The following COL22A1 variants were observed in gnomAD, a reference collection of about 807,000 sequenced individuals.
The protein encoded by COL22A1 is collagen type XXII alpha 1 chain.
In COL22A1, 221 loss-of-function variants were observed where a neutral mutation model predicts 248.9. The observed-to-expected ratio is 0.89, with a 90% CI of 0.80 to 0.99. The LOEUF is 0.99. Ranked by LOEUF, COL22A1 falls within the 50% of genes least tolerant of loss-of-function variation. The probability of loss-of-function intolerance (pLI) is 0.00; values close to 1 mark genes in which losing one functional copy is unlikely to be tolerated. For missense variants in COL22A1, 2,240 were observed against 2,179.0 expected (o/e 1.03, Z -0.56); for synonymous variants, 891 against 793.4 (o/e 1.12, Z -2.07).
At chr8:138,646,083 T>TG (rs1822180665) in intron 47 of COL22A1, among the ~76,000 whole-genome samples, 1 of 152,186 alleles carries the variant, frequency 6.6e-6, no homozygotes, top group South Asian at 2.1e-4. Context: ...CTGCCTATTT[T>TG]GGGGTTCAGA....
intron 22 of COL22A1, among the ~76,000 whole-genome samples, 185 bp from the exon 23 acceptor site, chr8:138,737,762 G>A (rs538528203): frequency 6.6e-6 from 1 of 152,046 alleles, no homozygotes; most frequent in Non-Finnish European, 1.5e-5. Context: ...GGCTTTTTCT[G>A]AGGTCAGCAG....
At chr8:138,890,618 T>A (rs1028367986) in intron 1 of COL22A1, among the ~76,000 whole-genome samples, 1 of 152,120 alleles carries the variant, frequency 6.6e-6, no homozygotes, top group African/African-American at 2.4e-5. Flanking sequence ...CAGCTACGGA[T>A]GGCATGATCG....
chr8:138,770,204 A>C (rs972189013), intron 16 of COL22A1, among the ~76,000 whole-genome samples: 8 of 152,086 alleles, frequency 5.3e-5, no homozygotes, highest in African/African-American at 1.9e-4. Context: ...GAACCTCAGG[A>C]CTGGAATGTT....
Position 138,847,749 on chromosome 8 carries a change from G to A in COL22A1, c.659-3591C>T, listed in dbSNP as rs556030275. On this transcript the variant is annotated intron_variant, in intron 3 of 64. Coordinates refer to ENST00000303045, the MANE Select transcript of COL22A1 (RefSeq NM_152888.3). Reference sequence around the variant, plus strand: ...TGTTTGGGGGACTGTCTAGGAGAATGGAGGAAATATCAAACAAGCAATTCC... The same window carrying A: ...TGTTTGGGGGACTGTCTAGGAGAATAGAGGAAATATCAAACAAGCAATTCC... 1.9e-3 allele frequency among the ~76,000 whole-genome samples: 295 copies of A among 151,764 alleles called. 4 individuals carry two copies. Among genetic ancestry groups the A allele is most frequent in the Non-Finnish European group, 1.3e-3 (90 of 67,974 alleles).
rs140177581 is a variant in COL22A1, at chr8:138,868,900, T to C, written c.658+8850A>G. On this transcript the variant is annotated intron_variant, in intron 3 of 64. Coordinates refer to ENST00000303045, the MANE Select transcript of COL22A1 (RefSeq NM_152888.3). ...CACCTGCCACCACACCCGGCTAATT[T>C]TTGTATTTTTAGTAGAGATGGGGGT... Among the ~76,000 whole-genome samples the C allele has an allele frequency of 4.4e-3, 669 of 152,198 alleles. 2 individuals carry two copies. The highest frequency in any genetic ancestry group is 0.015 in the African/African-American group (636 of 41,548).
intron 18 of COL22A1, among the ~76,000 whole-genome samples, chr8:138,758,949 C>G (rs1833239374): frequency 6.6e-6 from 1 of 152,150 alleles, no homozygotes; most frequent in Non-Finnish European, 1.5e-5. Flanking sequence ...TCACCTAGAT[C>G]CAGACTTCAA....
At chr8:138,653,891 C>T (rs1305266155) in intron 45 of COL22A1, among the ~76,000 whole-genome samples, 1 of 152,186 alleles carries the variant, frequency 6.6e-6, no homozygotes, top group Admixed American at 6.5e-5. Context: ...CCACTCATCC[C>T]AGGCTGTTGA....
chr8:138,651,003 G>A (rs1050084588), intron 45 of COL22A1, among the ~76,000 whole-genome samples: 5 of 152,174 alleles, frequency 3.3e-5, no homozygotes, highest in Admixed American at 3.3e-4. Context: ...ACTGTTCATA[G>A]TCCATGAGGT....
At chr8:138,627,971 T>C (rs756940718) in intron 50 of COL22A1, among the ~76,000 whole-genome samples, 4 of 152,288 alleles carry the variant, frequency 2.6e-5, no homozygotes, top group East Asian at 1.9e-4. Flanking sequence ...ACCATCTAAA[T>C]TGATATAGCT....
intron 59 of COL22A1, among the ~76,000 whole-genome samples, chr8:138,602,880 G>A (rs964561072): frequency 3.9e-5 from 6 of 152,266 alleles, no homozygotes; most frequent in South Asian, 2.1e-4. Context: ...CCATTCTCAC[G>A]CATGGGTTAC....
At chr8:138,891,724 A>G (rs1319239031) in intron 1 of COL22A1, among the ~76,000 whole-genome samples, 1 of 152,154 alleles carries the variant, frequency 6.6e-6, no homozygotes, top group Non-Finnish European at 1.5e-5. Context: ...GATGTTTGCA[A>G]TCTGGCTGCA....
intron 6 of COL22A1, among the ~76,000 whole-genome samples, chr8:138,823,463 G>T (rs560231799): frequency 6.6e-6 from 1 of 152,214 alleles, no homozygotes; most frequent in African/African-American, 2.4e-5. Context: ...CTGGAGTGCA[G>T]AGGAGTGATT....
chr8:138,785,592 G>C (rs530278682), intron 12 of COL22A1, among the ~76,000 whole-genome samples: 2 of 152,334 alleles, frequency 1.3e-5, no homozygotes, highest in South Asian at 4.1e-4. Flanking sequence ...GGCTCTGGTG[G>C]GTTGGGCAAC....
At chr8:138,768,820 C>T (rs1834119623) in intron 16 of COL22A1, among the ~76,000 whole-genome samples, 1 of 152,040 alleles carries the variant, frequency 6.6e-6, no homozygotes, top group East Asian at 1.9e-4. Context: ...GCCTATAATC[C>T]CAGCTATTCG....
At chr8:138,856,346 T>C (rs771595982) in intron 3 of COL22A1, among the ~76,000 whole-genome samples, 12 of 152,276 alleles carry the variant, frequency 7.9e-5, no homozygotes, top group Middle Eastern at 3.4e-3. Context: ...TGAATGCATT[T>C]GGGCGTTTCT....
chr8:138,623,260 T>TATATATATA (rs1564109173), intron 52 of COL22A1, among the ~76,000 whole-genome samples: 1 of 52,450 alleles, frequency 1.9e-5, no homozygotes, highest in African/African-American at 6.8e-5. Flanking sequence ...ATATATATAT[T>TATATATATA]TATGTGTGTG....
intron 3 of COL22A1, among the ~76,000 whole-genome samples, chr8:138,864,539 C>T (rs1353174035): frequency 1.3e-5 from 2 of 152,222 alleles, no homozygotes; most frequent in East Asian, 1.9e-4. Flanking sequence ...TTTGTGCAGG[C>T]ATATTTGTCA....
chr8:138,779,446 G>A (rs2131517116), intron 14 of COL22A1, 63 bp downstream of exon 14: 1 of 1,159,532 alleles, frequency 8.6e-7, no homozygotes, highest in South Asian at 1.2e-5. Context: ...TAAAGCAACT[G>A]GCTTTGCACT....
chr8:138,688,818 G>A, intron 37 of COL22A1, 99 bp downstream of exon 37: 1 of 975,648 alleles, frequency 1.0e-6, no homozygotes. Context: ...TCTGATTGCT[G>A]GTTCCTAAAC....
Sources: allele counts gnomAD v4.1 joint callset (sites outside exome capture counted in the v4.1 genomes callset), GRCh38; gene constraint gnomAD v4.1.1; transcripts MANE v1.5; gene names NCBI Gene and HGNC (gene_info 2026-07-23, HGNC 2026-07-21).